Variants in GALNT17 observed in about 807,000 individuals in gnomAD.
GALNT17 encodes UDP-GalNAc:polypeptide N-acetylgalactosaminyltransferase-like 3.
In GALNT17, 29 loss-of-function variants were observed where a neutral mutation model predicts 63.7. The observed-to-expected ratio is 0.46, with a 90% CI of 0.34 to 0.62. The LOEUF (loss-of-function observed/expected upper bound fraction) is 0.62. Among genes scored for constraint, GALNT17 ranks in the 20% least tolerant of loss-of-function variants. GALNT17 has a pLI of 0.01. For missense variants in GALNT17, 603 were observed against 799.6 expected (o/e 0.75, Z 2.97); for synonymous variants, 305 against 318.3 (o/e 0.96, Z 0.45).
intron 2 of GALNT17, among the ~76,000 whole-genome samples, chr7:71,376,821 C>T (rs981218338): frequency 1.1e-4 from 16 of 151,526 alleles, no homozygotes; most frequent in African/African-American, 3.1e-4. Context: ...GTCATGGTGT[C>T]GTGCCTGTAA....
intron 4 of GALNT17, among the ~76,000 whole-genome samples, chr7:71,420,586 A>T (rs901502800): frequency 6.6e-6 from 1 of 152,162 alleles, no homozygotes; most frequent in African/African-American, 2.4e-5. Context: ...TCAGTATGAG[A>T]AGTGAGACTT....
chr7:71,558,481 A>G (rs536477384), intron 5 of GALNT17, among the ~76,000 whole-genome samples: 1 of 152,304 alleles, frequency 6.6e-6, no homozygotes, highest in African/African-American at 2.4e-5. Context: ...CTCTGGCCAG[A>G]CAAAAACAGG....
chr7:71,357,235 G>C (rs960682011), intron 2 of GALNT17, among the ~76,000 whole-genome samples: 5 of 152,228 alleles, frequency 3.3e-5, no homozygotes, highest in Admixed American at 2.0e-4. Context: ...ACTGCAGGAA[G>C]TGAGTGGCAG....
At chr7:71,162,684 T>C (rs1303970341) in intron 1 of GALNT17, among the ~76,000 whole-genome samples, 1 of 152,156 alleles carries the variant, frequency 6.6e-6, no homozygotes, top group African/African-American at 2.4e-5. Context: ...ACACCCAGTA[T>C]GTGTTGTGTG....
intron 5 of GALNT17, among the ~76,000 whole-genome samples, chr7:71,429,674 C>T (rs1786823896): frequency 6.6e-6 from 1 of 152,212 alleles, no homozygotes; most frequent in African/African-American, 2.4e-5. Flanking sequence ...TCCAGCGGAG[C>T]TGGGACCACA....
At chr7:71,138,940 A>T (rs1787836452) in intron 1 of GALNT17, among the ~76,000 whole-genome samples, 1 of 152,192 alleles carries the variant, frequency 6.6e-6, no homozygotes, top group South Asian at 2.1e-4. Flanking sequence ...GCACCACTGC[A>T]CTCCAGTCTG....
At chr7:71,482,283 G>A (rs1176833721) in intron 5 of GALNT17, among the ~76,000 whole-genome samples, 3 of 151,956 alleles carry the variant, frequency 2.0e-5, no homozygotes, top group African/African-American at 7.3e-5. Flanking sequence ...CAGAGTAGCT[G>A]GGATTACAGG....
chr7:71,219,815 T>C (rs1204104385), intron 1 of GALNT17, among the ~76,000 whole-genome samples: 1 of 152,214 alleles, frequency 6.6e-6, no homozygotes, highest in African/African-American at 2.4e-5. Flanking sequence ...TGCTTTGTTC[T>C]TTTGTATTTA....
intron 1 of GALNT17, among the ~76,000 whole-genome samples, chr7:71,270,949 AAG>A (rs1554346665): frequency 7.3e-5 from 11 of 151,134 alleles, no homozygotes; most frequent in Non-Finnish European, 1.6e-4. Context: ...AGAAAAAAAA[AAG>A]AAGAAAAGAA....
intron 5 of GALNT17, among the ~76,000 whole-genome samples, chr7:71,485,792 C>G (rs1308270886): frequency 6.6e-6 from 1 of 152,206 alleles, no homozygotes; most frequent in Non-Finnish European, 1.5e-5. Context: ...GTAATCCATC[C>G]TCTGAAATCC....
intron 7 of GALNT17, 25 bp from the exon 8 acceptor site, chr7:71,669,946 AC>A: frequency 6.2e-7 from 1 of 1,613,328 alleles, no homozygotes; most frequent in Non-Finnish European, 8.5e-7. Flanking sequence ...AGTCACTAAC[AC>A]CCCTTGGCTT....
At chr7:71,653,229 T>G (rs1247226836) in intron 6 of GALNT17, among the ~76,000 whole-genome samples, 1 of 151,946 alleles carries the variant, frequency 6.6e-6, no homozygotes, top group African/African-American at 2.4e-5. Flanking sequence ...TTGGCCAGGT[T>G]GGTCTCAATC....
At chr7:71,571,525 C>A in intron 6 of GALNT17, 123 bp downstream of exon 6, 1 of 801,144 alleles carries the variant, frequency 1.2e-6, no homozygotes, top group Non-Finnish European at 2.1e-6. Flanking sequence ...TTTACTCCAC[C>A]TTGTTCCTGG....
chr7:71,709,030 ATGTGTCTTTTTGGTAGAATGATGTCTTTT>A (rs1163446233), intron 9 of GALNT17, among the ~76,000 whole-genome samples: 2 of 152,198 alleles, frequency 1.3e-5, no homozygotes, highest in African/African-American at 4.8e-5. Flanking sequence ...GTGTAAGTGC[ATGTGTCTTTTTGGTAGAATGATGTCTTTT>A]CCTTTGGGTA....
At chr7:71,366,183 C>A (rs983840035) in intron 2 of GALNT17, among the ~76,000 whole-genome samples, 1 of 152,112 alleles carries the variant, frequency 6.6e-6, no homozygotes, top group Non-Finnish European at 1.5e-5. Flanking sequence ...TTTGCCCACT[C>A]TCCTGACGCT....
intron 1 of GALNT17, among the ~76,000 whole-genome samples, chr7:71,332,096 A>G (rs1791817167): frequency 6.6e-6 from 1 of 152,218 alleles, no homozygotes; most frequent in Non-Finnish European, 1.5e-5. Flanking sequence ...ATTAGATTTT[A>G]TGACCCTGTT....
intron 6 of GALNT17, among the ~76,000 whole-genome samples, chr7:71,610,819 C>A (rs1053480451): frequency 1.3e-5 from 2 of 151,914 alleles, no homozygotes; most frequent in Non-Finnish European, 2.9e-5. Flanking sequence ...AACCCCTTCT[C>A]TACTAAAAAT....
chr7:71,332,820 T>C (rs1791829868), intron 1 of GALNT17, among the ~76,000 whole-genome samples: 1 of 152,140 alleles, frequency 6.6e-6, no homozygotes, highest in Admixed American at 6.6e-5. Context: ...GCCTCCCGAG[T>C]AGCTGGGATT....
At chr7:71,636,252 T>A (rs1180534058) in intron 6 of GALNT17, among the ~76,000 whole-genome samples, 8 of 152,198 alleles carry the variant, frequency 5.3e-5, no homozygotes. Context: ...TTTAAAATCT[T>A]GCTGCAGAAG....
Sources: gnomAD v4.1 joint callset for allele counts (sites outside exome capture counted in the v4.1 genomes callset) on GRCh38, gnomAD v4.1.1 for gene constraint, MANE v1.5 for transcripts, NCBI Gene and HGNC (gene_info 2026-07-23, HGNC 2026-07-21) for gene names.